Variants in SBF2 observed in about 807,000 individuals in gnomAD.
SBF2 encodes the protein myotubularin-related protein 13.
A neutral mutation model predicts 225.2 loss-of-function variants in SBF2; 112 were observed. The observed-to-expected ratio is 0.50, with a 90% CI of 0.43 to 0.58. The LOEUF is 0.58. SBF2 is among the 20% of genes least tolerant of loss of function. SBF2 has a pLI of 0.00. For missense variants in SBF2, 1,996 were observed against 2,206.2 expected, an observed-to-expected ratio of 0.90 and a Z score of 1.91; for synonymous variants, 763 against 773.3, an observed-to-expected ratio of 0.99 and a Z score of 0.22.
chr11:10,123,318 A>C (rs147044113), intron 2 of SBF2, among the ~76,000 whole-genome samples: 72 of 152,196 alleles, frequency 4.7e-4, no homozygotes, highest in Non-Finnish European at 8.7e-4. Flanking sequence ...CAAAATATTC[A>C]TTCCTCTAAG....
intron 1 of SBF2, among the ~76,000 whole-genome samples, chr11:10,291,650 T>C (rs964939909): frequency 6.4e-5 from 8 of 125,638 alleles, no homozygotes; most frequent in African/African-American, 1.9e-4. Flanking sequence ...CAGAATATAA[T>C]CCACTAAACA....
At chr11:10,251,330 TA>T in intron 1 of SBF2, among the ~76,000 whole-genome samples, 1 of 152,276 alleles carries the variant, frequency 6.6e-6, no homozygotes, top group South Asian at 2.1e-4. Flanking sequence ...GAGGCAATAA[TA>T]AAAAATGTAT....
At chr11:10,214,847 G>A (rs1410088145) in intron 1 of SBF2, among the ~76,000 whole-genome samples, 1 of 152,158 alleles carries the variant, frequency 6.6e-6, no homozygotes, top group African/African-American at 2.4e-5. Context: ...TAATGGTCCA[G>A]GATCAGAATC....
At chr11:10,299,003 G>A (rs1201823273), upstream of SBF2, among the ~76,000 whole-genome samples, 1 of 152,162 alleles carries the variant, frequency 6.6e-6, no homozygotes, top group Non-Finnish European at 1.5e-5. Flanking sequence ...TCTACCTTGA[G>A]TGTGTGTTTG....
intron 9 of SBF2, among the ~76,000 whole-genome samples, chr11:9,995,832 T>TA: frequency 6.7e-6 from 1 of 149,844 alleles, no homozygotes; most frequent in Non-Finnish European, 1.5e-5. Context: ...TGTCTTTTTT[T>TA]TTTTTTTGGT....
intron 17 of SBF2, among the ~76,000 whole-genome samples, chr11:9,891,240 G>A (rs1323728151): frequency 6.6e-6 from 1 of 151,842 alleles, no homozygotes; most frequent in Non-Finnish European, 1.5e-5. Flanking sequence ...GTATGCTACT[G>A]TGGTTCTATT....
intron 15 of SBF2, among the ~76,000 whole-genome samples, chr11:9,962,429 G>A (rs1866634164): frequency 6.6e-6 from 1 of 152,116 alleles, no homozygotes; most frequent in African/African-American, 2.4e-5. Flanking sequence ...CAAAGCCATA[G>A]ATACGTAAGA....
At chr11:9,874,641 A>G (rs1008514692) in intron 17 of SBF2, among the ~76,000 whole-genome samples, 23 of 152,190 alleles carry the variant, frequency 1.5e-4, no homozygotes, top group African/African-American at 4.3e-4. Context: ...TTTTATTTTG[A>G]TGCTGTGGTC....
At chr11:9,827,379 T>C (rs1855131233) in intron 28 of SBF2, among the ~76,000 whole-genome samples, 1 of 151,886 alleles carries the variant, frequency 6.6e-6, no homozygotes, top group Non-Finnish European at 1.5e-5. Context: ...ATTTTAAAAA[T>C]TTAGCTGGGA....
In SBF2 at chr11:10,227,559, C is replaced by T. The variant is rs1481760324; in HGVS notation, c.56-33572G>A. Among the ~76,000 whole-genome samples the T allele has an allele frequency of 3.0e-4, 46 of 152,172 alleles. 1 individual carries two copies. The highest frequency in any genetic ancestry group is 2.8e-3 in the Admixed American group (43 of 15,270). ...ACATATGACTAGCCAGTTTTCCCAG[C>T]ACCATTTATTAAATAGGGAATCTGT... On this transcript the variant is annotated intron_variant, in intron 1 of 39. Transcript: ENST00000256190.
chr11:9,993,208 T>C (rs921082278), intron 10 of SBF2, 105 bp from the exon 11 acceptor site: 13 of 778,340 alleles, frequency 1.7e-5, no homozygotes, highest in Non-Finnish European at 2.2e-5. Context: ...CTTTGATTTT[T>C]ATATCCACCA....
At chr11:9,786,164 A>G (rs550097502) in intron 36 of SBF2, among the ~76,000 whole-genome samples, 2 of 152,286 alleles carry the variant, frequency 1.3e-5, no homozygotes, top group Admixed American at 1.3e-4. Flanking sequence ...CCTGGCAGAC[A>G]CTGGTTTATA....
At chr11:10,022,292 C>T (rs543606156) in intron 6 of SBF2, among the ~76,000 whole-genome samples, 1 of 152,156 alleles carries the variant, frequency 6.6e-6, no homozygotes, top group East Asian at 1.9e-4. Context: ...TGAAGATATT[C>T]CAGAATCAAT....
chr11:10,079,822 A>G (rs561300925), intron 2 of SBF2, among the ~76,000 whole-genome samples: 1 of 152,312 alleles, frequency 6.6e-6, no homozygotes, highest in African/African-American at 2.4e-5. Flanking sequence ...AGGGGAAAAA[A>G]AATTCTAAAA....
chr11:10,051,891 T>A (rs1024334387), intron 2 of SBF2, among the ~76,000 whole-genome samples: 1 of 152,160 alleles, frequency 6.6e-6, no homozygotes, highest in African/African-American at 2.4e-5. Flanking sequence ...GTACTCCTCA[T>A]AGAATTTGGA....
chr11:9,842,060 G>A (rs1689903412), intron 25 of SBF2, among the ~76,000 whole-genome samples: 2 of 152,144 alleles, frequency 1.3e-5, no homozygotes, highest in Admixed American at 1.3e-4. Context: ...ATTTGATACT[G>A]GGTTAAGAAT....
intron 1 of SBF2, among the ~76,000 whole-genome samples, chr11:10,289,329 A>G (rs1964011874): frequency 1.3e-5 from 2 of 152,180 alleles, no homozygotes; most frequent in South Asian, 4.1e-4. Context: ...GGCCCCTTAG[A>G]ACACAGGGAG....
At chr11:9,840,786 A>G (rs1186949608) in intron 25 of SBF2, among the ~76,000 whole-genome samples, 1 of 152,166 alleles carries the variant, frequency 6.6e-6, no homozygotes. Context: ...TTTCCTGGAA[A>G]TATTTTTGTT....
intron 13 of SBF2, among the ~76,000 whole-genome samples, chr11:9,988,866 T>C (rs777742747): frequency 1.3e-5 from 2 of 152,068 alleles, no homozygotes; most frequent in Non-Finnish European, 2.9e-5. Flanking sequence ...GAACTAAAAG[T>C]AGAATTACCA....
Sources: allele counts gnomAD v4.1 joint callset (sites outside exome capture counted in the v4.1 genomes callset), GRCh38; gene constraint gnomAD v4.1.1; transcripts MANE v1.5; gene names NCBI Gene and HGNC (gene_info 2026-07-23, HGNC 2026-07-21).